RBFOX2: variants seen among roughly 807,000 people sequenced by gnomAD.
RBFOX2 encodes the protein RNA binding fox-1 homolog 2.
A neutral mutation model predicts 49.1 loss-of-function variants in RBFOX2; 10 were observed. That is an observed-to-expected ratio of 0.20 (90% CI 0.13 to 0.35). The LOEUF (loss-of-function observed/expected upper bound fraction) is 0.35. Among genes scored for constraint, RBFOX2 ranks in the 10% least tolerant of loss-of-function variants. The pLI, the probability that RBFOX2 is intolerant of heterozygous loss-of-function variation, is 1.00. For missense variants in RBFOX2, 323 were observed against 486.9 expected (o/e 0.66, Z 3.17); for synonymous variants, 183 against 187.4 (o/e 0.98, Z 0.19).
intron 1 of RBFOX2, among the ~76,000 whole-genome samples, chr22:35,815,658 T>C (rs146237102): frequency 3.3e-4 from 50 of 152,316 alleles, no homozygotes; most frequent in African/African-American, 1.2e-3. Context: ...TCAATATTAA[T>C]TTTATTCACA....
intron 1 of RBFOX2, among the ~76,000 whole-genome samples, chr22:35,960,944 G>C (rs754074699): frequency 6.6e-6 from 1 of 151,614 alleles, no homozygotes; most frequent in Non-Finnish European, 1.5e-5. Context: ...GGATGCACAG[G>C]TTCTGTTATA....
chr22:35,843,006 T>C (rs1268900400), upstream of RBFOX2, among the ~76,000 whole-genome samples: 1 of 152,158 alleles, frequency 6.6e-6, no homozygotes, highest in East Asian at 1.9e-4. Flanking sequence ...GTTACAATGA[T>C]TTTTATAAAC....
intron 1 of RBFOX2, among the ~76,000 whole-genome samples, chr22:35,946,648 C>A (rs998987783): frequency 6.6e-6 from 1 of 152,174 alleles, no homozygotes; most frequent in African/African-American, 2.4e-5. Flanking sequence ...AAATAACCAA[C>A]CTTTAATTTC....
intron 1 of RBFOX2, among the ~76,000 whole-genome samples, chr22:35,987,790 C>G (rs1371076155): frequency 6.6e-6 from 1 of 152,160 alleles, no homozygotes; most frequent in Non-Finnish European, 1.5e-5. Flanking sequence ...TCCCAATGGT[C>G]ACAGATGGGG....
At chr22:35,947,672 TAA>T (rs559788717) in intron 1 of RBFOX2, among the ~76,000 whole-genome samples, 386 of 34,122 alleles carry the variant, frequency 0.011, 3 homozygotes, top group African/African-American at 0.043. Flanking sequence ...GTTTAAAAAG[TAA>T]AAAAAAAAAA....
chr22:35,816,532 T>TA, intron 1 of RBFOX2, among the ~76,000 whole-genome samples: 1 of 152,308 alleles, frequency 6.6e-6, no homozygotes, highest in East Asian at 1.9e-4. Context: ...CATAAGATGT[T>TA]AGGCAACTTG....
chr22:35,919,607 C>T (rs1446578205), intron 1 of RBFOX2, among the ~76,000 whole-genome samples: 1 of 151,668 alleles, frequency 6.6e-6, no homozygotes, highest in Admixed American at 6.6e-5. Context: ...TGTCCTAAAA[C>T]TGACTGTGGT....
At chr22:35,961,284 C>T (rs979222100) in intron 1 of RBFOX2, among the ~76,000 whole-genome samples, 1 of 152,146 alleles carries the variant, frequency 6.6e-6, no homozygotes. Context: ...TAAAGGCACA[C>T]ACAAATACTT....
chr22:35,960,450 A>G (rs1447269393), intron 1 of RBFOX2, among the ~76,000 whole-genome samples: 2 of 152,174 alleles, frequency 1.3e-5, no homozygotes, highest in Admixed American at 6.5e-5. Context: ...TGCTTCCCAC[A>G]TTACCCAATG....
chr22:35,926,130 T>G (rs1394383902), intron 1 of RBFOX2, among the ~76,000 whole-genome samples: 1 of 152,258 alleles, frequency 6.6e-6, no homozygotes, highest in Non-Finnish European at 1.5e-5. Context: ...TTAGTTGGTT[T>G]CATTCTAAAT....
intron 2 of RBFOX2, among the ~76,000 whole-genome samples, chr22:35,784,002 G>A (rs1018826115): frequency 3.9e-5 from 6 of 152,296 alleles, no homozygotes; most frequent in East Asian, 1.9e-4. Flanking sequence ...CCCGTGGCCC[G>A]TCCTCAGGAT....
chr22:35,833,243 T>A (rs981926584), intron 1 of RBFOX2, among the ~76,000 whole-genome samples: 1 of 152,080 alleles, frequency 6.6e-6, no homozygotes, highest in Non-Finnish European at 1.5e-5. Flanking sequence ...GTAGGAAAAA[T>A]AAGCAAGGCA....
At chr22:35,765,246 G>C (rs936975941) in intron 6 of RBFOX2, among the ~76,000 whole-genome samples, 177 bp downstream of exon 7, 1 of 151,306 alleles carries the variant, frequency 6.6e-6, no homozygotes, top group Non-Finnish European at 1.5e-5. Flanking sequence ...TAAAAACTTA[G>C]CTCAATTGTA....
chr22:35,749,716 A>G lies in RBFOX2; in HGVS notation c.888-3155T>C, dbSNP rs1327217111. ...GCAAATCTAAAGGCTTTTATAAAAC[A>G]TGAGAACAAAGTGCAGTTTGAAACA... is the stretch of plus-strand genomic sequence containing the variant. On this transcript the variant is annotated intron_variant, in intron 9 of 11. Coordinates refer to ENST00000405409, the Ensembl canonical transcript of RBFOX2. The surrounding 1 kb of genome is among the most constrained non-coding windows in gnomAD (Gnocchi z 4.1). 1.3e-5 allele frequency among the ~76,000 whole-genome samples: 2 copies of G among 152,226 alleles called. No individual in the cohort carries two copies. The highest frequency in any genetic ancestry group is 1.9e-4 in the East Asian group (1 of 5,202).
chr22:35,875,763 T>A (rs1267585184), intron 1 of RBFOX2, among the ~76,000 whole-genome samples: 1 of 151,990 alleles, frequency 6.6e-6, no homozygotes, highest in Non-Finnish European at 1.5e-5. Flanking sequence ...CCTATTCTCC[T>A]AGCGCCTCCT....
chr22:35,979,691 T>C (rs115201478), intron 1 of RBFOX2, among the ~76,000 whole-genome samples: 3,554 of 152,244 alleles, frequency 0.023, 151 homozygotes, highest in African/African-American at 0.081. Flanking sequence ...TTTTCTGTAA[T>C]GTGAAATTAT....
At chr22:35,899,122 A>ATAAC (rs2048234191) in intron 1 of RBFOX2, among the ~76,000 whole-genome samples, 1 of 139,210 alleles carries the variant, frequency 7.2e-6, no homozygotes, top group Non-Finnish European at 1.5e-5. Context: ...CTGTCTCAAA[A>ATAAC]ATAACATAAC....
At chr22:35,834,923 T>G in intron 1 of RBFOX2, among the ~76,000 whole-genome samples, 1 of 152,180 alleles carries the variant, frequency 6.6e-6, no homozygotes, top group East Asian at 1.9e-4. Flanking sequence ...GGCAATGACC[T>G]CTAATGAATT....
exon 12 of RBFOX2, chr22:35,743,879 C>T (rs979335682): frequency 2.4e-5 from 6 of 254,186 alleles, no homozygotes; most frequent in African/African-American, 9.0e-5. Flanking sequence ...CTGCCTCTTC[C>T]GTGATTGATA....
Sources: gnomAD v4.1 joint callset for allele counts (sites outside exome capture counted in the v4.1 genomes callset) on GRCh38, gnomAD v4.1.1 for gene constraint, Gnocchi (gnomAD v3.1) non-coding constraint, MANE v1.5 for transcripts, NCBI Gene and HGNC (gene_info 2026-07-23, HGNC 2026-07-21) for gene names.